Variants in COX15 observed in about 807,000 individuals in gnomAD.
The protein encoded by COX15 is heme A synthase COX15.
COX15 carries 51 observed loss-of-function variants against 51.9 expected under a neutral mutation model. That is an observed-to-expected ratio of 0.98 (90% CI 0.78 to 1.24). The LOEUF (loss-of-function observed/expected upper bound fraction) is 1.24, where lower values mean the gene tolerates loss of function less well. Ranked by LOEUF, COX15 falls within the 50% of genes most tolerant of loss-of-function variation. The pLI is 0.00. For missense variants in COX15, 420 were observed against 501.1 expected (o/e 0.84, Z 1.55); for synonymous variants, 188 against 190.5 (o/e 0.99, Z 0.11).
rs763226390 is a variant in COX15 at position 99,727,592 on chromosome 10, T to C, written c.273-29A>G. On this transcript the variant is annotated intron_variant, in intron 2 of 8. Coordinates refer to ENST00000016171, the MANE Select transcript of COX15 (RefSeq NM_078470.6). ...AGGATAGGAAAGAAATTTTGGGGTG[T>C]ATGCGTGAGGCTGGATTACTCACAA... 11 of 1,611,652 alleles carry C rather than the reference T, an allele frequency of 6.8e-6. No individual in the cohort carries two copies. In the East Asian group the frequency reaches 2.2e-4, roughly 33 times the overall value.
chr10:99,723,939 T>C lies in COX15; in HGVS notation c.750+17A>G, dbSNP rs199546755. The C allele has an allele frequency of 1.9e-5, 30 of 1,613,104 alleles. No homozygotes were observed. Among genetic ancestry groups the C allele is most frequent in the Middle Eastern group, 1.8e-4 (1 of 5,494 alleles). ...AAAGCGGGGTCTTGAACACAGATAT[T>C]TGCACACAACTCTTACCTTGTGCGG... is the stretch of plus-strand genomic sequence containing the variant. On this transcript the variant is annotated intron_variant, in intron 5 of 8. Transcript: ENST00000016171.
In COX15 at chr10:99,712,730, T is replaced by G; in HGVS notation, c.*1857A>C. 9.9e-6 allele frequency: 5 copies of G among 506,266 alleles called. No individual in the cohort carries two copies. The highest frequency in any genetic ancestry group is 1.3e-5 in the Non-Finnish European group (5 of 392,172). 31.4% of individuals were successfully genotyped at this position (506,266 alleles called of 1,614,324 possible). On this transcript the variant is annotated 3_prime_UTR_variant, in exon 9 of 9. Transcript: ENST00000016171. ...GCAGTATAGTCCGAGCTGGGGCACC[T>G]GCTCGCCAGTGTTACTGTCTCCATC... is the stretch of plus-strand genomic sequence containing the variant.
chr10:99,721,350 G>A (rs553493672), intron 5 of COX15, among the ~76,000 whole-genome samples: 4 of 152,272 alleles, frequency 2.6e-5, no homozygotes, highest in African/African-American at 9.6e-5. Flanking sequence ...TGGCACATAG[G>A]TACTCATTAC....
At chr10:99,702,611 T>C in the COX15 span, 2 of 1,613,882 alleles carry the variant, frequency 1.2e-6, no homozygotes, top group Non-Finnish European at 1.7e-6. Context: ...AGCTGGTGTA[T>C]GACCGAGAGG....
chr10:99,717,996 C>T (rs189616052), intron 7 of COX15, among the ~76,000 whole-genome samples: 2 of 152,162 alleles, frequency 1.3e-5, no homozygotes, highest in Non-Finnish European at 2.9e-5. Flanking sequence ...CTATGGTCTC[C>T]GCATTCGCTT....
the COX15 span, among the ~76,000 whole-genome samples, chr10:99,699,601 G>A: frequency 6.6e-6 from 1 of 152,178 alleles, no homozygotes; most frequent in Admixed American, 6.5e-5. Flanking sequence ...GTCTCGCTCT[G>A]TAGCCCAGGC....
downstream of COX15, chr10:99,710,144 T>C (rs1443758535): frequency 4.7e-5 from 46 of 985,264 alleles, no homozygotes; most frequent in Admixed American, 6.2e-4. Context: ...CACTCCTCCT[T>C]CTCCACTCCA....
chr10:99,698,563 C>A, the COX15 span: 1 of 1,614,004 alleles, frequency 6.2e-7, no homozygotes, highest in Admixed American at 1.7e-5. Context: ...GGTCTGAGTC[C>A]CGACAATCCA....
intron 6 of COX15, among the ~76,000 whole-genome samples, chr10:99,720,528 T>C (rs1461267547): frequency 6.6e-6 from 1 of 152,190 alleles, no homozygotes; most frequent in Non-Finnish European, 1.5e-5. Flanking sequence ...GGGCAAGCCT[T>C]TTCTCTGACC....
intron 4 of COX15, 81 bp from the exon 5 acceptor site, chr10:99,724,204 G>T: frequency 6.5e-7 from 1 of 1,527,268 alleles, no homozygotes. Flanking sequence ...GTTTTTTTGA[G>T]ACAGAGTCTC....
At chr10:99,695,212 G>C in the COX15 span, among the ~76,000 whole-genome samples, 1 of 152,058 alleles carries the variant, frequency 6.6e-6, no homozygotes. Context: ...GAACCTTAGG[G>C]CTTCTTGGAT....
Position 99,723,944 on chromosome 10 carries a change from C to T in COX15, c.750+12G>A, listed in dbSNP as rs749103726. ...GGGGTCTTGAACACAGATATTTGCACACAACTCTTACCTTGTGCGGAGGGA... is the reference window on the plus strand; with the variant it reads ...GGGGTCTTGAACACAGATATTTGCATACAACTCTTACCTTGTGCGGAGGGA... On this transcript the variant is annotated intron_variant, in intron 5 of 8. Transcript: ENST00000016171. 8.7e-6 allele frequency: 14 copies of T among 1,613,314 alleles called. No homozygotes were observed. In the South Asian group the frequency reaches 1.5e-4, roughly 18 times the overall value.
rs534710638 is a variant in COX15 at position 99,712,150 on chromosome 10, C to G, written c.*2437G>C. 384 of 882,188 alleles carry G rather than the reference C, an allele frequency of 4.4e-4. No individual in the cohort carries two copies. The South Asian group carries it at 6.6e-3, about 15-fold the overall frequency. 54.6% of individuals were successfully genotyped at this position (882,188 alleles called of 1,614,324 possible). ...ACCCAAATACCTCCTACTAGGCCCA[C>G]CTCTAACACTGAATGTCACACTTTG... On this transcript the variant is annotated 3_prime_UTR_variant, in exon 9 of 9. Transcript: ENST00000016171.
the COX15 span, chr10:99,700,718 G>T: frequency 2.1e-6 from 1 of 487,648 alleles, no homozygotes; most frequent in Non-Finnish European, 3.6e-6. Flanking sequence ...GTTGCTATTT[G>T]TTAGTCCTAA....
intron 3 of COX15, 21 bp from the exon 4 acceptor site, chr10:99,727,175 A>G (rs774928354): frequency 6.2e-7 from 1 of 1,612,608 alleles, no homozygotes. Flanking sequence ...TGGAAAGTCA[A>G]AAAAGGAGGA....
the COX15 span, among the ~76,000 whole-genome samples, chr10:99,696,442 G>A: frequency 6.6e-6 from 1 of 152,230 alleles, no homozygotes; most frequent in African/African-American, 2.4e-5. Context: ...AATATATAGT[G>A]TAGCTGCTAG....
At chr10:99,706,551 T>C (rs1211239937), downstream of COX15, among the ~76,000 whole-genome samples, 1 of 151,826 alleles carries the variant, frequency 6.6e-6, no homozygotes, top group Non-Finnish European at 1.5e-5. Context: ...TCCAGGCTGG[T>C]CTCAAACTCT....
Position 99,713,128 on chromosome 10 carries a change from C to A in COX15, c.*1459G>T. The stretch of plus-strand genomic sequence containing the variant: ...TTTGACTATGGCTGTGACACTTCTA[C>A]TGATAAAACCTGAAGTACCACTAAT... On this transcript the variant is annotated 3_prime_UTR_variant, in exon 9 of 9. Transcript: ENST00000016171. The A allele has an allele frequency of 7.8e-7, 1 of 1,286,702 alleles. No homozygotes were observed. Among genetic ancestry groups the A allele is most frequent in the Non-Finnish European group, 9.9e-7 (1 of 1,008,510 alleles). The allele number at this position is 1,286,702 out of a possible 1,614,324, so 79.7% of individuals were successfully genotyped here.
At position 99,727,575 on chromosome 10, in the gene COX15, A is replaced by G. The variant is rs1309085416; in HGVS notation, c.273-12T>C. On this transcript the variant is annotated splice_polypyrimidine_tract_variant and intron_variant, in intron 2 of 8. Transcript: ENST00000016171. The stretch of plus-strand genomic sequence containing the variant: ...CAGACTCTGTCAACCTTAGGATAGG[A>G]AAGAAATTTTGGGGTGTATGCGTGA... 3 of 1,612,874 alleles carry G rather than the reference A, an allele frequency of 1.9e-6. No individual in the cohort carries two copies. In the African/African-American group the frequency reaches 4.0e-5, roughly 22 times the overall value.
Sources: allele counts gnomAD v4.1 joint callset (sites outside exome capture counted in the v4.1 genomes callset), GRCh38; gene constraint gnomAD v4.1.1; transcripts MANE v1.5; gene names NCBI Gene and HGNC (gene_info 2026-07-23, HGNC 2026-07-21).